Variants in FBXW2 observed in about 807,000 individuals in gnomAD.
FBXW2 encodes the protein F-box and WD repeat domain containing 2, also known as F-box/WD repeat-containing protein 2.
Under a neutral mutation model 46.0 loss-of-function variants are expected in FBXW2, and 12 were observed. The ratio of observed to expected loss-of-function variants is 0.26; its 90% CI spans 0.17 to 0.42. The LOEUF is 0.42. FBXW2 is among the 10% of genes least tolerant of loss of function. The pLI, the probability that FBXW2 is intolerant of heterozygous loss-of-function variation, is 1.00. For missense variants in FBXW2, 360 were observed against 537.0 expected, an observed-to-expected ratio of 0.67 and a Z score of 3.26; for synonymous variants, 203 against 209.6, an observed-to-expected ratio of 0.97 and a Z score of 0.27.
chr9:120,765,893 T>A (rs558896409), intron 7 of FBXW2, among the ~76,000 whole-genome samples: 2 of 152,134 alleles, frequency 1.3e-5, no homozygotes, highest in South Asian at 4.2e-4. Flanking sequence ...AAGACATCAA[T>A]GACAAAGGCT....
rs2044898853 is a variant in FBXW2, at chr9:120,793,369, C to T, written c.-145G>A. On this transcript the variant is annotated 5_prime_UTR_variant, in exon 1 of 8. Transcript: ENST00000608872. ...GCATACAGACCCGGACCTGCGGCCG[C>T]TGCTCCCGGTCCGCAGCCTCACAGG... The T allele has an allele frequency of 5.0e-6, 2 of 400,730 alleles. No homozygotes were observed. Among genetic ancestry groups the T allele is most frequent in the African/African-American group, 2.1e-5 (1 of 48,624 alleles). The allele number at this position is 400,730 out of a possible 1,614,324, so 24.8% of individuals were successfully genotyped here.
At chr9:120,772,689 CT>C in intron 6 of FBXW2, 64 bp downstream of exon 6, 1 of 1,117,262 alleles carries the variant, frequency 9.0e-7, no homozygotes. Context: ...TGCCATACCA[CT>C]TTCATTTTCT....
chr9:120,776,118 G>C lies in FBXW2; in HGVS notation c.794C>G (p.Thr265Ser), dbSNP rs757085775. The C allele has an allele frequency of 6.2e-7, 1 of 1,613,840 alleles. No individual in the cohort carries two copies. The highest frequency in any genetic ancestry group is 8.5e-7 in the Non-Finnish European group (1 of 1,179,978). Residue 265 changes from threonine (T) to serine (S), a missense_variant, in exon 5 of 8, where the codon ACC becomes AGC. Thr to Ser is a moderately conservative substitution (Grantham distance 58, BLOSUM62 1). Coordinates refer to ENST00000608872, the MANE Select transcript of FBXW2 (RefSeq NM_012164.4). ...LSAGTCLNTL[T>S]GHTEWVTKVV... Reference sequence around the variant, plus strand: ...CTTGGTGACCCATTCCGTGTGCCCGGTGAGTGTGTTCAGGCATGTCCCAGC... The same window carrying C: ...CTTGGTGACCCATTCCGTGTGCCCGCTGAGTGTGTTCAGGCATGTCCCAGC...
At chr9:120,791,601 G>C (rs2044843293) in intron 2 of FBXW2, among the ~76,000 whole-genome samples, 2 of 152,224 alleles carry the variant, frequency 1.3e-5, no homozygotes, top group South Asian at 4.1e-4. Flanking sequence ...ACACCTGGCA[G>C]TAAAGATTTC....
At chr9:120,789,722 C>T (rs1363741600) in intron 2 of FBXW2, among the ~76,000 whole-genome samples, 1 of 152,184 alleles carries the variant, frequency 6.6e-6, no homozygotes, top group Non-Finnish European at 1.5e-5. Flanking sequence ...AAAGCAAGAT[C>T]TCATCTTTCA....
At position 120,769,794 on chromosome 9, in the gene FBXW2, G is replaced by C. The variant is rs568181828; in HGVS notation, c.1076+1554C>G. On this transcript the variant is annotated intron_variant, in intron 7 of 7. Coordinates refer to ENST00000608872, the MANE Select transcript of FBXW2 (RefSeq NM_012164.4). Reference sequence around the variant, plus strand: ...GAATACAGTGAGAGGTGGAATGCTGGGCAAGGCCCCTACCCTGTCTCAGCT... The same window carrying C: ...GAATACAGTGAGAGGTGGAATGCTGCGCAAGGCCCCTACCCTGTCTCAGCT... 5.5e-4 allele frequency among the ~76,000 whole-genome samples: 84 copies of C among 152,302 alleles called. No individual in the cohort carries two copies. In the South Asian group the frequency reaches 0.011, roughly 20 times the overall value.
chr9:120,783,922 T>C (rs1303192214), intron 3 of FBXW2, among the ~76,000 whole-genome samples: 4 of 152,360 alleles, frequency 2.6e-5, no homozygotes, highest in African/African-American at 7.2e-5. Context: ...ACTAAGTTTA[T>C]TGCCAAATTC....
At chr9:120,770,354 C>T (rs964286311) in intron 7 of FBXW2, among the ~76,000 whole-genome samples, 4 of 143,646 alleles carry the variant, frequency 2.8e-5, no homozygotes, top group South Asian at 2.2e-4. Context: ...CCAGCCTGGG[C>T]GACAGAGCGA....
chr9:120,782,480 A>ACAAG (rs1158080302), intron 3 of FBXW2, among the ~76,000 whole-genome samples: 2 of 151,932 alleles, frequency 1.3e-5, no homozygotes, highest in East Asian at 1.9e-4. Flanking sequence ...AAAAAATAAA[A>ACAAG]CAAGCAAGCA....
intron 3 of FBXW2, among the ~76,000 whole-genome samples, chr9:120,785,285 C>T (rs956260585): frequency 6.6e-6 from 1 of 152,162 alleles, no homozygotes; most frequent in African/African-American, 2.4e-5. Flanking sequence ...GTTGGGACTA[C>T]AGGCATGAGC....
intron 2 of FBXW2, 78 bp from the exon 3 acceptor site, chr9:120,788,356 A>C: frequency 8.8e-6 from 12 of 1,369,532 alleles, no homozygotes; most frequent in Non-Finnish European, 1.2e-5. Context: ...TGAAGTATTA[A>C]AAATTAGTGT....
In FBXW2 at chr9:120,793,384, A is replaced by T; in HGVS notation, c.-160T>A. 2.5e-6 allele frequency: 1 copy of T among 401,410 alleles called. No homozygotes were observed. The highest frequency in any genetic ancestry group is 4.4e-6 in the Non-Finnish European group (1 of 227,926). The allele number at this position is 401,410 out of a possible 1,614,324, so 24.9% of individuals were successfully genotyped here. On this transcript the variant is annotated 5_prime_UTR_variant, in exon 1 of 8. Coordinates refer to ENST00000608872, the MANE Select transcript of FBXW2 (RefSeq NM_012164.4). ...CCTGCGGCCGCTGCTCCCGGTCCGC[A>T]GCCTCACAGGGGAGCGGCTTCCGGT... is the stretch of plus-strand genomic sequence containing the variant.
Position 120,761,298 on chromosome 9 carries a change from G to T in FBXW2, c.*3261C>A, listed in dbSNP as rs1418458671. 1 of 152,200 alleles carries T rather than the reference G, an allele frequency of 6.6e-6. No homozygotes were observed. Among genetic ancestry groups the T allele is most frequent in the Admixed American group, 6.5e-5 (1 of 15,280 alleles). 9.4% of individuals were successfully genotyped at this position (152,200 alleles called of 1,614,324 possible). A position where few individuals can be genotyped will look rare whatever the true frequency, so the allele number is the denominator to read the frequency against. On this transcript the variant is annotated 3_prime_UTR_variant, in exon 8 of 8. Transcript: ENST00000608872. ...CCATGAAGCCTGAAGTTGTTATGATGGCCTTTATGAACCTGAAAGAAGCCG... is the reference window on the plus strand; with the variant it reads ...CCATGAAGCCTGAAGTTGTTATGATTGCCTTTATGAACCTGAAAGAAGCCG...
intron 5 of FBXW2, among the ~76,000 whole-genome samples, chr9:120,774,064 G>A (rs1216751803): frequency 2.6e-5 from 4 of 151,808 alleles, no homozygotes; most frequent in Admixed American, 6.6e-5. Context: ...AGCTGGGCAC[G>A]GTGGCTCACG....
rs3814536 is a variant in FBXW2, at chr9:120,759,837, A to C, written c.*4722T>G. 20,098 of 152,298 alleles carry C rather than the reference A, an allele frequency of 0.13. 1,420 individuals are homozygous for C. Among genetic ancestry groups the C allele is most frequent in the Middle Eastern group, 0.17 (50 of 294 alleles). 9.4% of individuals were successfully genotyped at this position (152,298 alleles called of 1,614,324 possible). ...ACAACTGAACTGTTCCAGGAAAGAC[A>C]AGAAACACTGAAACATCCTAACAGC... On this transcript the variant is annotated 3_prime_UTR_variant, in exon 8 of 8. Coordinates refer to ENST00000608872, the MANE Select transcript of FBXW2 (RefSeq NM_012164.4).
At position 120,760,748 on chromosome 9, in the gene FBXW2, A is replaced by AAATGT. The variant is rs2044184766; in HGVS notation, c.*3806_*3810dup. 6.6e-6 allele frequency: 1 copy of AAATGT among 152,210 alleles called. No individual in the cohort carries two copies. Among genetic ancestry groups the AAATGT allele is most frequent in the African/African-American group, 2.4e-5 (1 of 41,436 alleles). 9.4% of individuals were successfully genotyped at this position (152,210 alleles called of 1,614,324 possible). A position where few individuals can be genotyped will look rare whatever the true frequency, so the allele number is the denominator to read the frequency against. The stretch of plus-strand genomic sequence containing the variant: ...AGTTGCCAGCTGGGTTTGGTCAAAG[A>AAATGT]AATGTGTAAAGCCAGGATCCACTAT... On this transcript the variant is annotated 3_prime_UTR_variant, in exon 8 of 8. Coordinates refer to ENST00000608872, the MANE Select transcript of FBXW2 (RefSeq NM_012164.4).
chr9:120,776,405 G>A (rs563239538), intron 4 of FBXW2, 179 bp from the exon 5 acceptor site: 2 of 656,416 alleles, frequency 3.0e-6, no homozygotes, highest in East Asian at 6.1e-5. Flanking sequence ...TACTATTATA[G>A]CTTATTATTC....
chr9:120,778,471 A>G lies in FBXW2; in HGVS notation c.565T>C (p.Cys189Arg). 6.2e-7 allele frequency: 1 copy of G among 1,614,138 alleles called. No individual in the cohort carries two copies. The highest frequency in any genetic ancestry group is 8.5e-7 in the Non-Finnish European group (1 of 1,180,020). ...QCVYGIQTHT[C>R]AAVKFDEQKL... Reference sequence around the variant, plus strand: ...TGTTCATCAAACTTCACCGCTGCACAAGTGTGGGTCTGGATGCCATAAACG... The same window carrying G: ...TGTTCATCAAACTTCACCGCTGCACGAGTGTGGGTCTGGATGCCATAAACG... Residue 189 changes from cysteine to arginine, a missense_variant, in exon 4 of 8, where the codon TGT (cysteine) becomes CGT (arginine). Coordinates refer to ENST00000608872, the MANE Select transcript of FBXW2 (RefSeq NM_012164.4).
At position 120,761,664 on chromosome 9, in the gene FBXW2, T is replaced by C. The variant is rs1476643910; in HGVS notation, c.*2895A>G. 6.6e-6 allele frequency: 1 copy of C among 152,184 alleles called. No individual in the cohort carries two copies. The highest frequency in any genetic ancestry group is 1.5e-5 in the Non-Finnish European group (1 of 68,038). The allele number at this position is 152,184 out of a possible 1,614,324, so 9.4% of individuals were successfully genotyped here. On this transcript the variant is annotated 3_prime_UTR_variant, in exon 8 of 8. Coordinates refer to ENST00000608872, the MANE Select transcript of FBXW2 (RefSeq NM_012164.4). Reference sequence around the variant, plus strand: ...ATAAACCCAGCATCTATAAAGTAGTTGAATAAAATCTCAGGCCAAATAAAG... The same window carrying C: ...ATAAACCCAGCATCTATAAAGTAGTCGAATAAAATCTCAGGCCAAATAAAG...
Sources: allele counts gnomAD v4.1 joint callset (sites outside exome capture counted in the v4.1 genomes callset), GRCh38; gene constraint gnomAD v4.1.1; transcripts MANE v1.5; gene names NCBI Gene and HGNC (gene_info 2026-07-23, HGNC 2026-07-21).